ACMSD: variants seen among roughly 807,000 people sequenced by gnomAD.
The protein encoded by ACMSD is 2-amino-3-carboxymuconate-6-semialdehyde decarboxylase.
A neutral mutation model predicts 45.9 loss-of-function variants in ACMSD; 37 were observed. The ratio of observed to expected loss-of-function variants is 0.81; its 90% CI spans 0.62 to 1.06. The LOEUF (loss-of-function observed/expected upper bound fraction) is 1.06, where lower values mean the gene tolerates loss of function less well. ACMSD is among the 50% of genes least tolerant of loss of function. ACMSD has a pLI of 0.00. For synonymous variants in ACMSD, 138 were observed against 148.8 expected, an observed-to-expected ratio of 0.93 and a Z score of 0.53; for missense variants, 434 against 420.9, an observed-to-expected ratio of 1.03 and a Z score of -0.27.
chr2:134,900,314 T>C (rs921761152), intron 9 of ACMSD, among the ~76,000 whole-genome samples: 16 of 152,292 alleles, frequency 1.1e-4, no homozygotes, highest in Admixed American at 7.9e-4. Context: ...GCCCAAGATG[T>C]GAATCATCCC....
chr2:134,855,912 G>A (rs1278824545), intron 2 of ACMSD, among the ~76,000 whole-genome samples: 1 of 152,132 alleles, frequency 6.6e-6, no homozygotes, highest in Non-Finnish European at 1.5e-5. Context: ...GGAGAGCAGA[G>A]GACTCCACCA....
chr2:134,885,312 TATATATA>T (rs1559064870), intron 8 of ACMSD, among the ~76,000 whole-genome samples: 5 of 101,302 alleles, frequency 4.9e-5, no homozygotes, highest in Non-Finnish European at 7.1e-5. Context: ...TTTAAATATA[TATATATA>T]AATATATATG....
chr2:134,899,917 A>C lies in ACMSD; in HGVS notation c.948+1478A>C, dbSNP rs370663307. On this transcript the variant is annotated intron_variant, in intron 9 of 9. Transcript: ENST00000356140. ...ATCCAATACCTCTTTTGTGAAAAAG[A>C]ATCTTTATATGCCTGAATATAAGTA... is the stretch of plus-strand genomic sequence containing the variant. 1.2e-3 allele frequency among the ~76,000 whole-genome samples: 190 copies of C among 152,308 alleles called. 1 individual carries two copies. Among genetic ancestry groups the C allele is most frequent in the African/African-American group, 3.4e-3 (140 of 41,570 alleles).
At chr2:134,845,209 T>C (rs1453026788) in intron 1 of ACMSD, 24 bp from the exon 2 acceptor site, 1 of 1,613,986 alleles carries the variant, frequency 6.2e-7, no homozygotes, top group Non-Finnish European at 8.5e-7. Context: ...TCTTTGACTC[T>C]AACTGTGCTT....
chr2:134,876,072 A>T lies in ACMSD; in HGVS notation c.849+3431A>T, dbSNP rs142905202. Among the ~76,000 whole-genome samples, 21 of 152,334 alleles carry T rather than the reference A, an allele frequency of 1.4e-4. No homozygotes were observed. In the East Asian group the frequency reaches 3.9e-3, roughly 28 times the overall value. ...ACATAAAAAGGGTACAGTAAAAATAAGATGTAAAAGATGAAAAATGTATAG... is the reference window on the plus strand; with the variant it reads ...ACATAAAAAGGGTACAGTAAAAATATGATGTAAAAGATGAAAAATGTATAG... On this transcript the variant is annotated intron_variant, in intron 8 of 9. Transcript: ENST00000356140.
chr2:134,860,992 T>C lies in ACMSD; in HGVS notation c.200-977T>C, dbSNP rs1216646524. 2.0e-5 allele frequency among the ~76,000 whole-genome samples: 3 copies of C among 151,654 alleles called. No homozygotes were observed. In the East Asian group the frequency reaches 5.9e-4, roughly 30 times the overall value. On this transcript the variant is annotated intron_variant, in intron 3 of 9. Coordinates refer to ENST00000356140, the MANE Select transcript of ACMSD (RefSeq NM_138326.3). ...CTGCAGTGAGCTGTGATTGCACCACTACACTCCAGCCTAGTGGTGGAGCAA... is the reference window on the plus strand; with the variant it reads ...CTGCAGTGAGCTGTGATTGCACCACCACACTCCAGCCTAGTGGTGGAGCAA...
chr2:134,863,098 G>A, intron 4 of ACMSD: 1 of 950,160 alleles, frequency 1.1e-6, no homozygotes, highest in Non-Finnish European at 1.3e-6. Context: ...AGTGGCCCAT[G>A]CTCATTCCAT....
At chr2:134,857,097 C>T (rs147323540) in intron 2 of ACMSD, among the ~76,000 whole-genome samples, 3 of 152,092 alleles carry the variant, frequency 2.0e-5, no homozygotes, top group Non-Finnish European at 4.4e-5. Context: ...AGATCTTTCA[C>T]CTTTTTGGTT....
chr2:134,846,284 G>C (rs1687048365), intron 2 of ACMSD, among the ~76,000 whole-genome samples: 1 of 152,180 alleles, frequency 6.6e-6, no homozygotes, highest in Admixed American at 6.5e-5. Context: ...CTGGGAACTT[G>C]GGAGAAATGC....
chr2:134,884,242 C>A lies in ACMSD; in HGVS notation c.849+11601C>A, dbSNP rs1689202360. On this transcript the variant is annotated intron_variant, in intron 8 of 9. Transcript: ENST00000356140. ...ATTGCCAAACTCTGAGTGTGATGTTCTGCAATGGGCATCCAAAATCAAGTT... is the reference window on the plus strand; with the variant it reads ...ATTGCCAAACTCTGAGTGTGATGTTATGCAATGGGCATCCAAAATCAAGTT... 1.3e-5 allele frequency among the ~76,000 whole-genome samples: 2 copies of A among 152,168 alleles called. 1 individual carries two copies. The highest frequency in any genetic ancestry group is 4.1e-4 in the South Asian group (2 of 4,828).
At chr2:134,854,724 AAT>A (rs1687498023) in intron 2 of ACMSD, among the ~76,000 whole-genome samples, 1 of 152,362 alleles carries the variant, frequency 6.6e-6, no homozygotes, top group South Asian at 2.1e-4. Flanking sequence ...AAGAAAGCAG[AAT>A]TTATAATTGT....
Position 134,861,953 on chromosome 2 carries a change from T to G in ACMSD, c.200-16T>G, listed in dbSNP as rs1231061659. On this transcript the variant is annotated splice_polypyrimidine_tract_variant and intron_variant, in intron 3 of 9. Coordinates refer to ENST00000356140, the MANE Select transcript of ACMSD (RefSeq NM_138326.3). ...TTCTTCTCACCAGCTTTGCCCTTCT[T>G]TGTGTCCATGTCTAGGAGTAACAGT... 2 of 1,614,088 alleles carry G rather than the reference T, an allele frequency of 1.2e-6. No individual in the cohort carries two copies. The highest frequency in any genetic ancestry group is 3.3e-5 in the Admixed American group (2 of 60,020).
intron 8 of ACMSD, among the ~76,000 whole-genome samples, chr2:134,881,402 ACT>A (rs996525572): frequency 6.6e-6 from 1 of 152,222 alleles, no homozygotes; most frequent in African/African-American, 2.4e-5. Flanking sequence ...TAGGAGCAAC[ACT>A]GTCAGTTTTT....
chr2:134,845,178 T>A lies in ACMSD; in HGVS notation c.58-55T>A, dbSNP rs573841511. The A allele has an allele frequency of 8.5e-5, 137 of 1,604,086 alleles. 1 individual carries two copies. The South Asian group carries it at 1.4e-3, about 16-fold the overall frequency. The stretch of plus-strand genomic sequence containing the variant: ...GATCTTCTGCACTTAGCATGCCCCT[T>A]GATTGCAGCCTGGTCTTTGCTCTTT... On this transcript the variant is annotated intron_variant, in intron 1 of 9. Coordinates refer to ENST00000356140, the MANE Select transcript of ACMSD (RefSeq NM_138326.3).
At chr2:134,900,262 C>A (rs942761049) in intron 9 of ACMSD, among the ~76,000 whole-genome samples, 3 of 152,136 alleles carry the variant, frequency 2.0e-5, no homozygotes, top group Non-Finnish European at 4.4e-5. Flanking sequence ...ACATGCCATT[C>A]TGAGTAGCAT....
chr2:134,857,254 A>C (rs1398631581), intron 2 of ACMSD, among the ~76,000 whole-genome samples: 1 of 152,148 alleles, frequency 6.6e-6, no homozygotes, highest in Non-Finnish European at 1.5e-5. Flanking sequence ...CCTGGCCAAC[A>C]TGGTGAAACC....
At chr2:134,885,303 T>G (rs35729486) in intron 8 of ACMSD, among the ~76,000 whole-genome samples, 53,917 of 102,276 alleles carry the variant, frequency 0.53, 15,311 homozygotes, top group Middle Eastern at 0.83. Flanking sequence ...ATATATATAT[T>G]TAAATATATA....
rs138372803 is a variant in ACMSD, at chr2:134,862,043, T to C, written c.249+25T>C. On this transcript the variant is annotated intron_variant, in intron 4 of 9. Transcript: ENST00000356140. ...GGTGAGTGTGAAACCTCAAGCCATC[T>C]CCTTGGTGTTGAAGGTTCGTGTTGA... 7.9e-5 allele frequency: 127 copies of C among 1,614,048 alleles called. 1 individual carries two copies. In the Admixed American group the frequency reaches 2.0e-3, roughly 26 times the overall value.
Position 134,889,479 on chromosome 2 carries a change from G to T in ACMSD, c.850-8862G>T, listed in dbSNP as rs550654552. On this transcript the variant is annotated intron_variant, in intron 8 of 9. Coordinates refer to ENST00000356140, the MANE Select transcript of ACMSD (RefSeq NM_138326.3). ...TACGGTCAGCCCTCTGTATTCACAGGTTCCACATCCACAGATTCAACCAAC... is the reference window on the plus strand; with the variant it reads ...TACGGTCAGCCCTCTGTATTCACAGTTTCCACATCCACAGATTCAACCAAC... Among the ~76,000 whole-genome samples, 4 of 152,172 alleles carry T rather than the reference G, an allele frequency of 2.6e-5. No individual in the cohort carries two copies. The South Asian group carries it at 8.3e-4, about 32-fold the overall frequency.
Sources: gnomAD v4.1 joint callset for allele counts (sites outside exome capture counted in the v4.1 genomes callset) on GRCh38, gnomAD v4.1.1 for gene constraint, MANE v1.5 for transcripts, NCBI Gene and HGNC (gene_info 2026-07-23, HGNC 2026-07-21) for gene names.